The following CCDC178 variants were observed in gnomAD, a reference collection of about 807,000 sequenced individuals.
CCDC178 encodes the protein coiled-coil domain containing 178, also known as coiled-coil domain-containing protein 178.
In CCDC178, 126 loss-of-function variants were observed where a neutral mutation model predicts 117.4. The ratio of observed to expected loss-of-function variants is 1.07; its 90% confidence interval spans 0.93 to 1.24. The LOEUF is 1.24. Ranked by LOEUF, CCDC178 falls within the 50% of genes most tolerant of loss-of-function variation. The pLI is 0.00. For missense variants in CCDC178, 1,030 were observed against 986.9 expected (o/e 1.04, Z -0.59); for synonymous variants, 283 against 313.4 (o/e 0.90, Z 1.02).
At chr18:33,325,487 T>C (rs1444027756) in intron 10 of CCDC178, among the ~76,000 whole-genome samples, 2 of 152,040 alleles carry the variant, frequency 1.3e-5, no homozygotes, top group Non-Finnish European at 2.9e-5. Flanking sequence ...TTTTATAGAA[T>C]TTCCATAAAG....
intron 21 of CCDC178, among the ~76,000 whole-genome samples, chr18:33,005,103 C>G (rs2055720686): frequency 6.6e-6 from 1 of 152,024 alleles, no homozygotes; most frequent in African/African-American, 2.4e-5. Context: ...ACCCAACAAT[C>G]CTACTGCTAG....
intron 21 of CCDC178, among the ~76,000 whole-genome samples, chr18:33,068,648 T>C (rs1598848859): frequency 6.6e-6 from 1 of 152,208 alleles, no homozygotes; most frequent in South Asian, 2.1e-4. Context: ...CTCAACAAAT[T>C]AGGTACAGAA....
chr18:33,229,481 T>C (rs763143424), intron 15 of CCDC178, among the ~76,000 whole-genome samples: 15 of 152,198 alleles, frequency 9.9e-5, no homozygotes, highest in Non-Finnish European at 1.5e-5. Context: ...CTGGTAGAAT[T>C]ATCTTGTCTT....
chr18:33,377,685 C>A (rs923870339), intron 5 of CCDC178, among the ~76,000 whole-genome samples: 2 of 152,150 alleles, frequency 1.3e-5, no homozygotes, highest in East Asian at 3.8e-4. Context: ...GCTGTCTCAG[C>A]ACCATTTACT....
At chr18:33,317,140 C>G (rs561244485) in intron 11 of CCDC178, among the ~76,000 whole-genome samples, 2 of 152,080 alleles carry the variant, frequency 1.3e-5, no homozygotes, top group African/African-American at 4.8e-5. Context: ...TTTGTTCTTT[C>G]GCTCTTTGCA....
chr18:33,358,464 A>G (rs1235573754), intron 6 of CCDC178, among the ~76,000 whole-genome samples: 1 of 151,926 alleles, frequency 6.6e-6, no homozygotes, highest in African/African-American at 2.4e-5. Context: ...AGTGGGATGG[A>G]ACAGGCCAGA....
At chr18:33,306,497 ATATATGGTTATATATAATATATGGT>A in intron 11 of CCDC178, among the ~76,000 whole-genome samples, 1 of 133,692 alleles carries the variant, frequency 7.5e-6, no homozygotes, top group Non-Finnish European at 1.6e-5. Flanking sequence ...ATGGTTATAT[ATATATGGTTATATATAATATATGGT>A]TATATATGGT....
chr18:33,315,442 C>T (rs2062402023), intron 11 of CCDC178, among the ~76,000 whole-genome samples: 1 of 152,218 alleles, frequency 6.6e-6, no homozygotes, highest in African/African-American at 2.4e-5. Context: ...GCCCTGATTT[C>T]ACCCGGTTTC....
At chr18:33,122,006 G>C (rs989064304) in intron 20 of CCDC178, among the ~76,000 whole-genome samples, 1 of 152,050 alleles carries the variant, frequency 6.6e-6, no homozygotes, top group South Asian at 2.1e-4. Flanking sequence ...CCATACACTA[G>C]GTGTGTACTA....
chr18:33,026,654 A>C (rs776605963), intron 21 of CCDC178, among the ~76,000 whole-genome samples: 3 of 151,962 alleles, frequency 2.0e-5, no homozygotes, highest in Non-Finnish European at 4.4e-5. Context: ...AGCAGTAGCT[A>C]TGGATTGATA....
At chr18:33,338,663 G>C (rs565609562) in intron 9 of CCDC178, among the ~76,000 whole-genome samples, 1 of 152,126 alleles carries the variant, frequency 6.6e-6, no homozygotes, top group Middle Eastern at 3.4e-3. Flanking sequence ...ACCAAATATC[G>C]TATGTTCTCA....
intron 2 of CCDC178, among the ~76,000 whole-genome samples, chr18:33,425,418 C>T (rs1202483471): frequency 6.6e-6 from 1 of 152,180 alleles, no homozygotes; most frequent in African/African-American, 2.4e-5. Flanking sequence ...AGCATTCTCC[C>T]TGCCTTGGCC....
chr18:33,022,481 A>C (rs2056142998), intron 21 of CCDC178, among the ~76,000 whole-genome samples: 1 of 152,148 alleles, frequency 6.6e-6, no homozygotes, highest in Non-Finnish European at 1.5e-5. Context: ...AGTGCAGAGG[A>C]ATGTCAAGGG....
chr18:33,316,569 C>T (rs1436522282), intron 11 of CCDC178, among the ~76,000 whole-genome samples: 1 of 152,176 alleles, frequency 6.6e-6, no homozygotes, highest in African/African-American at 2.4e-5. Flanking sequence ...CTCCTGGCAG[C>T]TCCACCTGCC....
intron 12 of CCDC178, among the ~76,000 whole-genome samples, chr18:33,275,969 G>A (rs2059944919): frequency 6.6e-6 from 1 of 151,382 alleles, no homozygotes; most frequent in South Asian, 2.1e-4. Flanking sequence ...AAGTAAAAGA[G>A]CAAGATTACT....
At chr18:33,332,877 C>T (rs540355863) in intron 10 of CCDC178, among the ~76,000 whole-genome samples, 68 of 152,152 alleles carry the variant, frequency 4.5e-4, no homozygotes, top group African/African-American at 1.5e-3. Flanking sequence ...GCTTACCACC[C>T]GAAGTGCTGG....
intron 15 of CCDC178, among the ~76,000 whole-genome samples, chr18:33,229,782 C>A (rs558777827): frequency 3.4e-4 from 51 of 152,218 alleles, no homozygotes; most frequent in African/African-American, 1.2e-3. Context: ...TCTTTGAATT[C>A]TGAATCTTAG....
At chr18:33,090,539 T>C (rs1026138279) in intron 21 of CCDC178, among the ~76,000 whole-genome samples, 1 of 152,106 alleles carries the variant, frequency 6.6e-6, no homozygotes, top group Non-Finnish European at 1.5e-5. Context: ...GACTAAAATA[T>C]TAAAGAGTTT....
At chr18:33,275,030 T>C (rs1431518832) in intron 12 of CCDC178, among the ~76,000 whole-genome samples, 1 of 152,088 alleles carries the variant, frequency 6.6e-6, no homozygotes, top group Non-Finnish European at 1.5e-5. Context: ...GTATTAATCA[T>C]TGGAATATCT....
Sources: gnomAD v4.1 joint callset for allele counts (sites outside exome capture counted in the v4.1 genomes callset) on GRCh38, gnomAD v4.1.1 for gene constraint, MANE v1.5 for transcripts, NCBI Gene and HGNC (gene_info 2026-07-23, HGNC 2026-07-21) for gene names.